Variants in PDE3A observed in about 807,000 individuals in gnomAD.
The protein encoded by PDE3A is cGMP-inhibited 3',5'-cyclic phosphodiesterase 3A.
A neutral mutation model predicts 98.3 loss-of-function variants in PDE3A; 43 were observed. The ratio of observed to expected loss-of-function variants is 0.44; its 90% confidence interval spans 0.34 to 0.56. PDE3A has a LOEUF of 0.56. PDE3A is among the 20% of genes least tolerant of loss of function. The probability of loss-of-function intolerance (pLI) is 0.01; values close to 1 mark genes in which losing one functional copy is unlikely to be tolerated. For missense variants in PDE3A, 1,427 were observed against 1,440.7 expected (o/e 0.99, Z 0.15); for synonymous variants, 663 against 567.9 (o/e 1.17, Z -2.38).
intron 1 of PDE3A, among the ~76,000 whole-genome samples, chr12:20,440,947 G>A (rs1260835672): frequency 2.0e-5 from 3 of 152,068 alleles, no homozygotes; most frequent in Admixed American, 6.5e-5. Context: ...CCCGTTTTGT[G>A]AAATTGTTTC....
intron 2 of PDE3A, chr12:20,557,088 A>C: frequency 4.5e-6 from 1 of 224,122 alleles, no homozygotes; most frequent in Non-Finnish European, 8.6e-6. Context: ...TTTGAAATAT[A>C]ATCAGACTAA....
chr12:20,612,320 T>C (rs1421338808), intron 2 of PDE3A, among the ~76,000 whole-genome samples: 1 of 151,712 alleles, frequency 6.6e-6, no homozygotes, highest in Non-Finnish European at 1.5e-5. Context: ...TTTTGTCCTT[T>C]AGTGATTTTT....
At chr12:20,586,571 G>A (rs1943202968) in intron 2 of PDE3A, among the ~76,000 whole-genome samples, 1 of 152,178 alleles carries the variant, frequency 6.6e-6, no homozygotes, top group Non-Finnish European at 1.5e-5. Flanking sequence ...CTTAGATTCT[G>A]TATGAAGATG....
At chr12:20,392,409 A>G (rs1943933249) in intron 1 of PDE3A, among the ~76,000 whole-genome samples, 1 of 151,930 alleles carries the variant, frequency 6.6e-6, no homozygotes, top group Admixed American at 6.6e-5. Context: ...GTGGTAACAC[A>G]TGCCTTTAGT....
chr12:20,405,488 C>T (rs1351607521), intron 1 of PDE3A, among the ~76,000 whole-genome samples: 1 of 152,156 alleles, frequency 6.6e-6, no homozygotes, highest in Non-Finnish European at 1.5e-5. Flanking sequence ...ACCTGAGCTG[C>T]TCACACCTGG....
chr12:20,538,248 A>G (rs1415965289), intron 1 of PDE3A, among the ~76,000 whole-genome samples: 1 of 152,054 alleles, frequency 6.6e-6, no homozygotes, highest in Non-Finnish European at 1.5e-5. Context: ...TGACATTTTT[A>G]TGGCTTCAGG....
intron 2 of PDE3A, among the ~76,000 whole-genome samples, chr12:20,603,347 A>G (rs940599243): frequency 3.5e-4 from 54 of 152,182 alleles, no homozygotes; most frequent in African/African-American, 1.3e-3. Flanking sequence ...CTGCTTTTAG[A>G]ATTCTTTTCA....
intron 15 of PDE3A, among the ~76,000 whole-genome samples, chr12:20,669,043 G>A (rs1019363525): frequency 7.9e-5 from 12 of 151,580 alleles, no homozygotes; most frequent in South Asian, 2.1e-4. Context: ...CGAGAACTAC[G>A]TGAAGAATGC....
chr12:20,487,645 T>C (rs1202767977), intron 1 of PDE3A, among the ~76,000 whole-genome samples: 1 of 137,200 alleles, frequency 7.3e-6, no homozygotes, highest in Non-Finnish European at 1.6e-5. Context: ...AGAGAGAGAC[T>C]CAGGCTTAAG....
chr12:20,547,088 C>T (rs1333032612), intron 1 of PDE3A, among the ~76,000 whole-genome samples: 2 of 152,070 alleles, frequency 1.3e-5, no homozygotes, highest in Non-Finnish European at 2.9e-5. Context: ...TCTTCTATTT[C>T]CTCTGTCTGG....
intron 1 of PDE3A, 165 bp downstream of exon 1, chr12:20,370,409 GT>G (rs372135967): frequency 0.032 from 9,241 of 290,946 alleles, 1 homozygote; most frequent in Middle Eastern, 0.051. Flanking sequence ...TGTTTTTTTT[GT>G]TTTTTTTTTT....
chr12:20,492,299 A>G (rs1945841242), intron 1 of PDE3A, among the ~76,000 whole-genome samples: 1 of 152,104 alleles, frequency 6.6e-6, no homozygotes, highest in South Asian at 2.1e-4. Flanking sequence ...GTCTTTCAAT[A>G]CTAAAATGAC....
At chr12:20,394,905 A>G (rs367768640) in intron 1 of PDE3A, among the ~76,000 whole-genome samples, 14 of 152,078 alleles carry the variant, frequency 9.2e-5, no homozygotes, top group African/African-American at 2.7e-4. Context: ...ACAACTCCCT[A>G]TAAGAAAGAA....
At chr12:20,665,105 C>A (rs1945276901) in intron 15 of PDE3A, among the ~76,000 whole-genome samples, 1 of 152,168 alleles carries the variant, frequency 6.6e-6, no homozygotes, top group Non-Finnish European at 1.5e-5. Context: ...CATCTCCCTC[C>A]CTTTCTGCTG....
intron 1 of PDE3A, among the ~76,000 whole-genome samples, chr12:20,521,639 T>A (rs1488536257): frequency 6.6e-6 from 1 of 152,212 alleles, no homozygotes; most frequent in Non-Finnish European, 1.5e-5. Context: ...GTCTGTAATA[T>A]TAAAATAGGT....
rs1357640047 is a variant in PDE3A, at chr12:20,510,400, A to C, written c.961-46260A>C. 4.6e-5 allele frequency among the ~76,000 whole-genome samples: 7 copies of C among 152,246 alleles called. No individual in the cohort carries two copies. The East Asian group carries it at 1.3e-3, about 29-fold the overall frequency. ...TTGACTATATTTAATTAGAGCTAGA[A>C]GCCAGATAGTACAGTAGAGAAATGG... On this transcript the variant is annotated intron_variant, in intron 1 of 15. Coordinates refer to ENST00000359062, the MANE Select transcript of PDE3A (RefSeq NM_000921.5).
chr12:20,557,529 A>AT (rs1301911704), intron 2 of PDE3A, among the ~76,000 whole-genome samples: 3 of 152,180 alleles, frequency 2.0e-5, no homozygotes, highest in African/African-American at 7.2e-5. Flanking sequence ...GCTACTAAAA[A>AT]ATATATAAAT....
At chr12:20,547,633 C>A (rs1044470991) in intron 1 of PDE3A, among the ~76,000 whole-genome samples, 2 of 151,830 alleles carry the variant, frequency 1.3e-5, no homozygotes, top group African/African-American at 4.8e-5. Context: ...CTCTTTTTTT[C>A]ATATCTAAAA....
At chr12:20,388,509 A>G (rs1449887874) in intron 1 of PDE3A, among the ~76,000 whole-genome samples, 1 of 152,092 alleles carries the variant, frequency 6.6e-6, no homozygotes, top group Non-Finnish European at 1.5e-5. Context: ...GTCAACTGAT[A>G]CATTGAGAAG....
Sources: allele counts gnomAD v4.1 joint callset (sites outside exome capture counted in the v4.1 genomes callset), GRCh38; gene constraint gnomAD v4.1.1; transcripts MANE v1.5; gene names NCBI Gene and HGNC (gene_info 2026-07-23, HGNC 2026-07-21).